WDR7: variants seen among roughly 807,000 people sequenced by gnomAD.
The protein encoded by WDR7 is WD repeat domain 7.
WDR7 carries 46 observed loss-of-function variants against 169.4 expected under a neutral mutation model. The observed-to-expected ratio is 0.27, with a 90% confidence interval of 0.21 to 0.35. The LOEUF is 0.35. Among genes scored for constraint, WDR7 ranks in the 10% least tolerant of loss-of-function variants. The probability of loss-of-function intolerance (pLI) is 1.00; values close to 1 mark genes in which losing one functional copy is unlikely to be tolerated. For missense variants in WDR7, 1,534 were observed against 1,859.3 expected, an observed-to-expected ratio of 0.83 and a Z score of 3.22; for synonymous variants, 612 against 666.8, an observed-to-expected ratio of 0.92 and a Z score of 1.27.
At chr18:56,711,636 G>A (rs550662694) in intron 12 of WDR7, among the ~76,000 whole-genome samples, 1 of 151,468 alleles carries the variant, frequency 6.6e-6, no homozygotes, top group African/African-American at 2.4e-5. Flanking sequence ...TTTGTTAATC[G>A]GTGTTTTGGC....
chr18:57,016,020 T>G (rs1219014964), intron 26 of WDR7, among the ~76,000 whole-genome samples: 1 of 152,184 alleles, frequency 6.6e-6, no homozygotes, highest in Non-Finnish European at 1.5e-5. Context: ...CCGGAGCACA[T>G]TCTAGGGAAA....
intron 26 of WDR7, among the ~76,000 whole-genome samples, chr18:56,968,319 T>TA (rs985687086): frequency 3.3e-5 from 5 of 152,048 alleles, no homozygotes; most frequent in East Asian, 1.9e-4. Context: ...GGCTTTAGAA[T>TA]AAAAAAAACT....
At chr18:56,774,991 A>G (rs1198064527) in intron 16 of WDR7, among the ~76,000 whole-genome samples, 1 of 152,114 alleles carries the variant, frequency 6.6e-6, no homozygotes, top group Non-Finnish European at 1.5e-5. Flanking sequence ...AATATGTTAA[A>G]CAATATTCTA....
chr18:56,700,252 CTTTTTT>C (rs1226348026), intron 12 of WDR7, among the ~76,000 whole-genome samples: 752 of 67,232 alleles, frequency 0.011, 2 homozygotes, highest in Middle Eastern at 0.062. Flanking sequence ...TTTTCATTTT[CTTTTTT>C]TTTTTTTTTT....
At chr18:56,839,990 A>T (rs1415246326) in intron 20 of WDR7, among the ~76,000 whole-genome samples, 1 of 152,194 alleles carries the variant, frequency 6.6e-6, no homozygotes, top group Non-Finnish European at 1.5e-5. Flanking sequence ...TGTACCCAGG[A>T]GGCGGATGTT....
chr18:56,889,422 A>G (rs2046236949), intron 21 of WDR7, among the ~76,000 whole-genome samples: 1 of 152,212 alleles, frequency 6.6e-6, no homozygotes, highest in African/African-American at 2.4e-5. Context: ...TGTTTGCCAG[A>G]CATTTTGCTG....
chr18:56,792,315 C>T (rs1051253283), intron 19 of WDR7, among the ~76,000 whole-genome samples: 2 of 152,104 alleles, frequency 1.3e-5, no homozygotes, highest in African/African-American at 4.8e-5. Context: ...CTGTACCTGG[C>T]CAAGGATTTT....
At chr18:56,835,358 T>C (rs950102030) in intron 20 of WDR7, among the ~76,000 whole-genome samples, 10 of 152,226 alleles carry the variant, frequency 6.6e-5, no homozygotes, top group African/African-American at 2.4e-4. Context: ...ATATGTGCAT[T>C]AGTGGACAGT....
intron 22 of WDR7, among the ~76,000 whole-genome samples, chr18:56,932,590 C>CT (rs1453647050): frequency 6.6e-6 from 1 of 152,120 alleles, no homozygotes; most frequent in Non-Finnish European, 1.5e-5. Context: ...TGAGAAGCGT[C>CT]TTTGGTCAGA....
intron 20 of WDR7, among the ~76,000 whole-genome samples, chr18:56,846,325 C>T (rs1337664772): frequency 6.6e-6 from 1 of 152,036 alleles, no homozygotes; most frequent in African/African-American, 2.4e-5. Context: ...TCCCAGAATT[C>T]CCACATAATG....
intron 21 of WDR7, among the ~76,000 whole-genome samples, chr18:56,899,846 T>G (rs2046376954): frequency 6.6e-6 from 1 of 152,044 alleles, no homozygotes; most frequent in African/African-American, 2.4e-5. Flanking sequence ...GTTTTATATT[T>G]CCATTGACAA....
intron 16 of WDR7, among the ~76,000 whole-genome samples, chr18:56,762,921 T>A (rs578000583): frequency 4.6e-5 from 7 of 151,888 alleles, no homozygotes; most frequent in African/African-American, 1.7e-4. Flanking sequence ...TTACCTTGGG[T>A]TGCCTACGAA....
At chr18:56,865,369 A>G (rs2045868273) in intron 20 of WDR7, among the ~76,000 whole-genome samples, 1 of 152,270 alleles carries the variant, frequency 6.6e-6, no homozygotes, top group Non-Finnish European at 1.5e-5. Context: ...GGATTTAAAC[A>G]CACTATCGGC....
At chr18:56,842,861 G>C (rs1000015725) in intron 20 of WDR7, among the ~76,000 whole-genome samples, 1 of 152,218 alleles carries the variant, frequency 6.6e-6, no homozygotes, top group Non-Finnish European at 1.5e-5. Flanking sequence ...ATTTTGGGGA[G>C]AGAAGAGACA....
intron 25 of WDR7, 51 bp from the exon 26 acceptor site, chr18:56,962,379 A>T (rs2047349593): frequency 6.5e-7 from 1 of 1,534,456 alleles, no homozygotes; most frequent in Non-Finnish European, 9.0e-7. Flanking sequence ...AGTGCAGGTC[A>T]TCTCACCTGG....
At chr18:56,700,252 CTT>C (rs1226348026) in intron 12 of WDR7, among the ~76,000 whole-genome samples, 1 of 67,236 alleles carries the variant, frequency 1.5e-5, no homozygotes, top group Non-Finnish European at 2.5e-5. Flanking sequence ...TTTTCATTTT[CTT>C]TTTTTTTTTT....
intron 25 of WDR7, among the ~76,000 whole-genome samples, 196 bp downstream of exon 25, chr18:56,939,589 G>A (rs1190689512): frequency 6.6e-6 from 1 of 152,098 alleles, no homozygotes; most frequent in Non-Finnish European, 1.5e-5. Context: ...TTGAAATTGG[G>A]TGATGAAGAT....
At chr18:56,707,462 A>G (rs2025986248) in intron 12 of WDR7, among the ~76,000 whole-genome samples, 3 of 151,082 alleles carry the variant, frequency 2.0e-5, no homozygotes, top group Admixed American at 2.0e-4. Context: ...AGAAGTTTCA[A>G]GATAATTAAG....
intron 17 of WDR7, among the ~76,000 whole-genome samples, chr18:56,777,447 G>T (rs2044257443): frequency 6.6e-6 from 1 of 152,078 alleles, no homozygotes; most frequent in South Asian, 2.1e-4. Flanking sequence ...GCGTAGTTGG[G>T]CTACCATGTT....
Sources: allele counts gnomAD v4.1 joint callset (sites outside exome capture counted in the v4.1 genomes callset), GRCh38; gene constraint gnomAD v4.1.1; transcripts MANE v1.5; gene names NCBI Gene and HGNC (gene_info 2026-07-23, HGNC 2026-07-21).